Variants in RABGAP1L observed in about 807,000 individuals in gnomAD.
RABGAP1L encodes rab GTPase-activating protein 1-like.
Under a neutral mutation model 137.7 loss-of-function variants are expected in RABGAP1L, and 63 were observed. The ratio of observed to expected loss-of-function variants is 0.46; its 90% CI spans 0.37 to 0.56. RABGAP1L has a LOEUF of 0.56. RABGAP1L is among the 20% of genes least tolerant of loss of function. RABGAP1L has a pLI of 0.00. For synonymous variants in RABGAP1L, 431 were observed against 433.7 expected (o/e 0.99, Z 0.08); for missense variants, 1,095 against 1,244.0 (o/e 0.88, Z 1.80).
intron 13 of RABGAP1L, among the ~76,000 whole-genome samples, chr1:174,431,039 A>T (rs1652571020): frequency 1.3e-5 from 2 of 152,174 alleles, no homozygotes; most frequent in Non-Finnish European, 2.9e-5. Context: ...ATCCTAAAAA[A>T]TAGCAATTTT....
At chr1:174,709,784 G>T (rs332791) in intron 17 of RABGAP1L, among the ~76,000 whole-genome samples, 1 of 151,964 alleles carries the variant, frequency 6.6e-6, no homozygotes. Context: ...AAGGATCACA[G>T]CTCCTTGCCA....
chr1:174,297,640 GT>G (rs1677248827), intron 10 of RABGAP1L, among the ~76,000 whole-genome samples: 1 of 152,150 alleles, frequency 6.6e-6, no homozygotes, highest in Non-Finnish European at 1.5e-5. Context: ...AGGGGGTGCT[GT>G]TTTGGGGGAA....
intron 11 of RABGAP1L, among the ~76,000 whole-genome samples, chr1:174,349,053 G>T (rs532919692): frequency 0.17 from 23,519 of 136,692 alleles, 1,502 homozygotes; most frequent in Admixed American, 0.21. Flanking sequence ...GCGGGGGGGG[G>T]GCTGACCCCC....
chr1:174,198,330 A>G (rs1667849337), intron 1 of RABGAP1L, among the ~76,000 whole-genome samples: 1 of 152,204 alleles, frequency 6.6e-6, no homozygotes. Flanking sequence ...GAAGTAATAA[A>G]TACATTATTG....
At chr1:174,655,623 G>C (rs1197359341) in intron 14 of RABGAP1L, among the ~76,000 whole-genome samples, 1 of 152,040 alleles carries the variant, frequency 6.6e-6, no homozygotes, top group African/African-American at 2.4e-5. Context: ...GTAATTAATA[G>C]GTATTTTGTG....
At chr1:174,286,369 G>A (rs529580305) in intron 10 of RABGAP1L, among the ~76,000 whole-genome samples, 3 of 151,936 alleles carry the variant, frequency 2.0e-5, no homozygotes, top group Non-Finnish European at 4.4e-5. Context: ...GTTCATAATA[G>A]TCTCTTATGA....
intron 13 of RABGAP1L, among the ~76,000 whole-genome samples, chr1:174,623,151 A>T (rs1444045020): frequency 6.6e-6 from 1 of 152,232 alleles, no homozygotes; most frequent in Admixed American, 6.5e-5. Flanking sequence ...GAAAGTTTTC[A>T]TAATTAACAC....
At chr1:174,828,686 A>T (rs1157261914) in intron 19 of RABGAP1L, among the ~76,000 whole-genome samples, 1 of 148,476 alleles carries the variant, frequency 6.7e-6, no homozygotes, top group African/African-American at 2.5e-5. Context: ...CATTGGCTAA[A>T]TTAATTCCTT....
In RABGAP1L at chr1:174,991,413, T is replaced by C. The variant is rs1448027134; in HGVS notation, c.*1412T>C. On this transcript the variant is annotated 3_prime_UTR_variant, in exon 26 of 26. Transcript: ENST00000681986. ...AAACTCTGTAGTGCCAGAATGATTCTCATCTGTGCCATATTTTGCAATTAA... is the reference window on the plus strand; with the variant it reads ...AAACTCTGTAGTGCCAGAATGATTCCCATCTGTGCCATATTTTGCAATTAA... The C allele has an allele frequency of 6.6e-6, 1 of 152,236 alleles. No homozygotes were observed. Among genetic ancestry groups the C allele is most frequent in the East Asian group, 1.9e-4 (1 of 5,206 alleles). 9.4% of individuals were successfully genotyped at this position (152,236 alleles called of 1,614,324 possible). A position where few individuals can be genotyped will look rare whatever the true frequency, so the allele number is the denominator to read the frequency against.
chr1:174,821,102 A>G (rs1690979703), intron 19 of RABGAP1L, among the ~76,000 whole-genome samples: 1 of 151,950 alleles, frequency 6.6e-6, no homozygotes, highest in Non-Finnish European at 1.5e-5. Flanking sequence ...TTTGGCATTC[A>G]TGGCCACCTC....
At chr1:174,848,855 G>T (rs1647607448) in intron 19 of RABGAP1L, among the ~76,000 whole-genome samples, 1 of 151,482 alleles carries the variant, frequency 6.6e-6, no homozygotes, top group South Asian at 2.1e-4. Context: ...TTTGATCTCA[G>T]ACTGCTGTGC....
At chr1:174,757,887 G>A (rs997858664) in intron 18 of RABGAP1L, among the ~76,000 whole-genome samples, 2 of 152,074 alleles carry the variant, frequency 1.3e-5, no homozygotes, top group African/African-American at 2.4e-5. Context: ...GCCAGGCGTG[G>A]TGGTGGGCAC....
intron 17 of RABGAP1L, among the ~76,000 whole-genome samples, chr1:174,742,580 G>C (rs562937864): frequency 6.6e-6 from 1 of 152,304 alleles, no homozygotes; most frequent in African/African-American, 2.4e-5. Flanking sequence ...TTTCTGGATG[G>C]ATTGGGTTAA....
chr1:174,791,963 G>A (rs139719388), intron 18 of RABGAP1L, among the ~76,000 whole-genome samples: 3 of 152,336 alleles, frequency 2.0e-5, no homozygotes, highest in African/African-American at 7.2e-5. Context: ...GCAGGCTCAG[G>A]TTCCTGACCA....
intron 13 of RABGAP1L, among the ~76,000 whole-genome samples, chr1:174,628,667 A>T (rs6667107): frequency 0.37 from 56,060 of 152,028 alleles, 13,566 homozygotes; most frequent in African/African-American, 0.69. Context: ...CAATGAGTTT[A>T]TCTGGCTTCA....
chr1:174,801,244 T>C (rs2148824227), intron 18 of RABGAP1L, among the ~76,000 whole-genome samples: 1 of 152,334 alleles, frequency 6.6e-6, no homozygotes. Flanking sequence ...TCCTATACCA[T>C]TATGTGGTAA....
At chr1:174,581,419 G>A (rs950227510) in intron 13 of RABGAP1L, among the ~76,000 whole-genome samples, 2 of 152,160 alleles carry the variant, frequency 1.3e-5, no homozygotes, top group South Asian at 2.1e-4. Context: ...GATGCTAAGC[G>A]AATGAAATGA....
chr1:174,373,415 G>A (rs544289122), intron 12 of RABGAP1L, among the ~76,000 whole-genome samples: 5 of 152,314 alleles, frequency 3.3e-5, no homozygotes, highest in Admixed American at 2.0e-4. Context: ...TGGCCTATGG[G>A]ACTGGAGAAA....
At chr1:174,641,899 C>G (rs1449683897) in intron 14 of RABGAP1L, among the ~76,000 whole-genome samples, 1 of 152,096 alleles carries the variant, frequency 6.6e-6, no homozygotes, top group Non-Finnish European at 1.5e-5. Context: ...CTCTGGCTCT[C>G]AATACTAAAG....
Sources: allele counts gnomAD v4.1 joint callset (sites outside exome capture counted in the v4.1 genomes callset), GRCh38; gene constraint gnomAD v4.1.1; transcripts MANE v1.5; gene names NCBI Gene and HGNC (gene_info 2026-07-23, HGNC 2026-07-21).